PARL: variants seen among roughly 807,000 people sequenced by gnomAD.
The protein encoded by PARL is presenilin-associated rhomboid-like protein, mitochondrial.
A neutral mutation model predicts 51.6 loss-of-function variants in PARL; 44 were observed. The ratio of observed to expected loss-of-function variants is 0.85; its 90% CI spans 0.67 to 1.10. The LOEUF (loss-of-function observed/expected upper bound fraction) is 1.10. Ranked by LOEUF, PARL falls within the 50% of genes least tolerant of loss-of-function variation. The probability of loss-of-function intolerance (pLI) is 0.00; values close to 1 mark genes in which losing one functional copy is unlikely to be tolerated. For synonymous variants in PARL, 172 were observed against 164.0 expected (o/e 1.05, Z -0.37); for missense variants, 441 against 469.5 (o/e 0.94, Z 0.56).
At chr3:183,882,416 T>TAG (rs146955187) in intron 1 of PARL, among the ~76,000 whole-genome samples, 44 of 104,460 alleles carry the variant, frequency 4.2e-4, no homozygotes, top group Admixed American at 1.9e-3. Context: ...CACATATATA[T>TAG]AGAGAGAGAG....
At chr3:183,879,844 G>T in intron 1 of PARL, 1 of 168,578 alleles carries the variant, frequency 5.9e-6, no homozygotes, top group Non-Finnish European at 1.2e-5. Flanking sequence ...AGCCTCCCAA[G>T]TAGCTGGGAT....
At position 183,855,079 on chromosome 3, in the gene PARL, T is replaced by A. The variant is rs145713803; in HGVS notation, c.511+7674A>T. On this transcript the variant is annotated intron_variant, in intron 4 of 9. Transcript: ENST00000317096. ...CACATATTATGTGACTTGATGTATA[T>A]GAAATCTCCAGAAGAGGAAAGTCCC... Among the ~76,000 whole-genome samples the A allele has an allele frequency of 4.1e-4, 63 of 152,034 alleles. No individual in the cohort carries two copies. In the East Asian group the frequency reaches 6.4e-3, roughly 15 times the overall value.
chr3:183,882,204 T>TA lies in PARL; in HGVS notation c.125+2517dup, dbSNP rs1209073220. ...GGGAAACAGAGCAAGACAATGTCTC[T>TA]AAAAAAAAAAAAAAAAAAATATATA... On this transcript the variant is annotated intron_variant, in intron 1 of 9. Transcript: ENST00000317096. Among the ~76,000 whole-genome samples the TA allele has an allele frequency of 3.9e-3, 242 of 61,420 alleles. 12 individuals are homozygous for TA. The East Asian group carries it at 0.063, about 16-fold the overall frequency. The allele number at this position is 61,420 out of a possible 152,430, so 40.3% of individuals were successfully genotyped here.
chr3:183,880,812 T>C (rs1734352804), intron 1 of PARL, among the ~76,000 whole-genome samples: 1 of 152,182 alleles, frequency 6.6e-6, no homozygotes, highest in Non-Finnish European at 1.5e-5. Flanking sequence ...GTTTTGGTTT[T>C]TTATTTTTTG....
chr3:183,866,572 A>C, intron 3 of PARL, 53 bp downstream of exon 3: 1 of 1,439,314 alleles, frequency 6.9e-7, no homozygotes, highest in Non-Finnish European at 9.8e-7. Flanking sequence ...ATTAAGTATC[A>C]GTTTTTTAAA....
At chr3:183,827,962 G>A (rs1378909), downstream of PARL, among the ~76,000 whole-genome samples, 27,049 of 152,208 alleles carry the variant, frequency 0.18, 2,662 homozygotes, top group East Asian at 0.44. Context: ...AGTGGAGGCG[G>A]CACAGCCCAA....
At chr3:183,850,719 G>C (rs886929690) in intron 4 of PARL, among the ~76,000 whole-genome samples, 2 of 152,146 alleles carry the variant, frequency 1.3e-5, no homozygotes, top group Non-Finnish European at 2.9e-5. Context: ...TTTATGAAAA[G>C]AGATGCAAAA....
chr3:183,882,943 A>G (rs1052550777), intron 1 of PARL, among the ~76,000 whole-genome samples: 2 of 152,240 alleles, frequency 1.3e-5, no homozygotes, highest in African/African-American at 4.8e-5. Context: ...AAGGTTATAT[A>G]TAAGGTAAAC....
At chr3:183,879,683 ATT>A in intron 1 of PARL, 1 of 934,368 alleles carries the variant, frequency 1.1e-6, no homozygotes, top group Non-Finnish European at 1.3e-6. Flanking sequence ...TATAAGGTAC[ATT>A]TTCTCTTTTT....
At chr3:183,873,672 TTTCCAACAGCTTAATAC>T (rs1733475416) in intron 1 of PARL, among the ~76,000 whole-genome samples, 1 of 152,192 alleles carries the variant, frequency 6.6e-6, no homozygotes, top group Admixed American at 6.5e-5. Context: ...AGGATTTGTA[TTTCCAACAGCTTAATAC>T]TACACAATCA....
intron 4 of PARL, 68 bp downstream of exon 4, chr3:183,862,685 G>T: frequency 8.3e-7 from 1 of 1,203,050 alleles, no homozygotes; most frequent in Non-Finnish European, 1.2e-6. Flanking sequence ...CATTGCTTGT[G>T]ACATACTGTA....
intron 1 of PARL, among the ~76,000 whole-genome samples, chr3:183,882,936 G>GTT (rs1253862938): frequency 6.6e-6 from 1 of 152,064 alleles, no homozygotes; most frequent in Non-Finnish European, 1.5e-5. Flanking sequence ...GCTAATAAAG[G>GTT]TTATATATAA....
intron 7 of PARL, among the ~76,000 whole-genome samples, chr3:183,838,480 G>A (rs1241147866): frequency 6.6e-6 from 1 of 152,182 alleles, no homozygotes; most frequent in East Asian, 1.9e-4. Context: ...TTTAATCACA[G>A]ATTCATTAAG....
At chr3:183,866,346 G>C (rs1732472035) in intron 3 of PARL, among the ~76,000 whole-genome samples, 1 of 152,158 alleles carries the variant, frequency 6.6e-6, no homozygotes, top group African/African-American at 2.4e-5. Flanking sequence ...TTAACTAAAA[G>C]CACTTCATAA....
In PARL at chr3:183,844,321, T is replaced by G; in HGVS notation, c.517A>C (p.Ile173Leu). 1 of 1,566,948 alleles carries G rather than the reference T, an allele frequency of 6.4e-7. No homozygotes were observed. The highest frequency in any genetic ancestry group is 8.8e-7 in the Non-Finnish European group (1 of 1,136,914). ...CAGAATACAAGGACATTTGCAGCTA[T>G]AATACCTACAAAATAAATATTTATA... The part of the protein sequence containing the change: ...SDGQRTVTGI[I>L]AANVLVFCLW... The change falls in exon 5 of 10, where the codon ATA (isoleucine) becomes CTA (leucine). Residue 173 changes from isoleucine (I) to leucine (L), a missense_variant. By Grantham distance (5) the Ile-to-Leu change is conservative. Coordinates refer to ENST00000317096, the MANE Select transcript of PARL (RefSeq NM_018622.7).
intron 3 of PARL, 130 bp downstream of exon 3, chr3:183,866,494 TC>T (rs1577362708): frequency 3.9e-6 from 3 of 760,870 alleles, no homozygotes; most frequent in Non-Finnish European, 7.0e-6. Context: ...TGATAGATAT[TC>T]AGTTCCTCAG....
intron 1 of PARL, among the ~76,000 whole-genome samples, chr3:183,882,243 A>ATT (rs1339532213): frequency 1.3e-4 from 3 of 22,316 alleles, no homozygotes; most frequent in Non-Finnish European, 1.9e-4. Flanking sequence ...ATATATATAT[A>ATT]TTTATATATA....
intron 1 of PARL, among the ~76,000 whole-genome samples, chr3:183,873,747 T>G (rs1315117897): frequency 6.6e-6 from 1 of 152,146 alleles, no homozygotes; most frequent in Admixed American, 6.5e-5. Context: ...ACTTAAAATT[T>G]TGAAGCACAA....
chr3:183,876,025 G>A (rs1733760300), intron 1 of PARL, among the ~76,000 whole-genome samples: 2 of 152,022 alleles, frequency 1.3e-5, no homozygotes, highest in Admixed American at 6.6e-5. Flanking sequence ...TTACAGCATC[G>A]TTTATGGAAT....
Sources: gnomAD v4.1 joint callset for allele counts (sites outside exome capture counted in the v4.1 genomes callset) on GRCh38, gnomAD v4.1.1 for gene constraint, MANE v1.5 for transcripts, NCBI Gene and HGNC (gene_info 2026-07-23, HGNC 2026-07-21) for gene names.